SPAG16: variants seen among roughly 807,000 people sequenced by gnomAD.
SPAG16 encodes sperm-associated antigen 16 protein.
Under a neutral mutation model 80.4 loss-of-function variants are expected in SPAG16, and 86 were observed. The ratio of observed to expected loss-of-function variants is 1.07; its 90% CI spans 0.90 to 1.28. The LOEUF is 1.28. Ranked by LOEUF, SPAG16 falls within the 50% of genes most tolerant of loss-of-function variation. The pLI, the probability that SPAG16 is intolerant of heterozygous loss-of-function variation, is 0.00. For synonymous variants in SPAG16, 294 were observed against 265.9 expected (o/e 1.11, Z -1.03); for missense variants, 870 against 765.3 (o/e 1.14, Z -1.61).
chr2:214,276,310 G>T (rs187840135), intron 15 of SPAG16, among the ~76,000 whole-genome samples: 137 of 152,246 alleles, frequency 9.0e-4, no homozygotes, highest in African/African-American at 3.2e-3. Context: ...GGTTAATATT[G>T]TTATGTGTGA....
intron 12 of SPAG16, among the ~76,000 whole-genome samples, chr2:213,955,440 C>T (rs1025255267): frequency 3.9e-5 from 6 of 152,058 alleles, no homozygotes; most frequent in Admixed American, 2.6e-4. Flanking sequence ...TTGATGAAAA[C>T]GCTATTTCAT....
chr2:214,149,323 T>C, intron 15 of SPAG16, 57 bp downstream of exon 15: 2 of 1,366,244 alleles, frequency 1.5e-6, no homozygotes, highest in South Asian at 1.7e-5. Flanking sequence ...ATATTTGTTC[T>C]GAAACTATTT....
rs1042922789 is a variant in SPAG16 at position 213,702,232 on chromosome 2, C to G, written c.1071-160253C>G. On this transcript the variant is annotated intron_variant, in intron 10 of 15. Transcript: ENST00000331683. ...TCAGTAAAATGGACCAATCAGCTCT[C>G]TGTAAAATGGACCAATCAGCAGGAT... 6.6e-5 allele frequency among the ~76,000 whole-genome samples: 10 copies of G among 152,284 alleles called. No homozygotes were observed. In the East Asian group the frequency reaches 1.5e-3, roughly 24 times the overall value.
intron 15 of SPAG16, among the ~76,000 whole-genome samples, chr2:214,212,068 A>G (rs983705128): frequency 6.6e-6 from 1 of 152,154 alleles, no homozygotes; most frequent in African/African-American, 2.4e-5. Context: ...CAAATTATGT[A>G]TGTAATTTCT....
rs1553677672 is a variant in SPAG16 at position 213,949,179 on chromosome 2, T to TTTTTTTTTTTTTGTTTTTTTGTTTTG, written c.1400+19046_1400+19047insGTTTTTTTGTTTTGTTTTTTTTTTTT. Among the ~76,000 whole-genome samples, 5 of 36,244 alleles carry TTTTTTTTTTTTTGTTTTTTTGTTTTG rather than the reference T, an allele frequency of 1.4e-4. No individual in the cohort carries two copies. In the Admixed American group the frequency reaches 1.9e-3, roughly 14 times the overall value. 23.8% of individuals were successfully genotyped at this position (36,244 alleles called of 152,430 possible). On this transcript the variant is annotated intron_variant, in intron 12 of 15. Coordinates refer to ENST00000331683, the MANE Select transcript of SPAG16 (RefSeq NM_024532.5). ...TACTTAATTACAACAGTTTTTTTTT[T>TTTTTTTTTTTTTGTTTTTTTGTTTTG]TTTTTTTTTTTTTTGAGGTAGAGTC...
At chr2:213,750,279 CAA>C (rs993347361) in intron 10 of SPAG16, among the ~76,000 whole-genome samples, 43 of 152,190 alleles carry the variant, frequency 2.8e-4, no homozygotes, top group Middle Eastern at 6.8e-3. Flanking sequence ...TGCCTGCATT[CAA>C]AGAGACAATT....
chr2:213,470,110 T>C (rs1014000212), intron 9 of SPAG16, among the ~76,000 whole-genome samples: 6 of 152,188 alleles, frequency 3.9e-5, no homozygotes, highest in Non-Finnish European at 8.8e-5. Context: ...GTACCATATA[T>C]TGGATGCTGA....
intron 15 of SPAG16, among the ~76,000 whole-genome samples, chr2:214,407,016 T>C (rs2126156955): frequency 6.6e-6 from 1 of 152,256 alleles, no homozygotes; most frequent in East Asian, 1.9e-4. Context: ...TTTATTTTCT[T>C]TCCATTCTGT....
chr2:214,296,044 C>G (rs965617577), intron 15 of SPAG16, among the ~76,000 whole-genome samples: 2 of 152,134 alleles, frequency 1.3e-5, no homozygotes, highest in Non-Finnish European at 2.9e-5. Flanking sequence ...AACCCTCATG[C>G]TCCTCCCATA....
Position 213,335,901 on chromosome 2 carries a change from G to C in SPAG16, c.537-4262G>C, listed in dbSNP as rs568414575. On this transcript the variant is annotated intron_variant, in intron 5 of 15. Coordinates refer to ENST00000331683, the MANE Select transcript of SPAG16 (RefSeq NM_024532.5). ...GGGGAGAAAGAAACTTAGGGGGTGAGAGTAGCCAAGTTTACCAAATAGAAA... is the reference window on the plus strand; with the variant it reads ...GGGGAGAAAGAAACTTAGGGGGTGACAGTAGCCAAGTTTACCAAATAGAAA... Among the ~76,000 whole-genome samples the C allele has an allele frequency of 2.9e-4, 44 of 152,036 alleles. No homozygotes were observed. In the South Asian group the frequency reaches 7.5e-3, roughly 26 times the overall value.
In SPAG16 at chr2:213,718,571, G is replaced by GC. The variant is rs1477662230; in HGVS notation, c.1071-143910dup. On this transcript the variant is annotated intron_variant, in intron 10 of 15. Coordinates refer to ENST00000331683, the MANE Select transcript of SPAG16 (RefSeq NM_024532.5). The stretch of plus-strand genomic sequence containing the variant: ...TTCCGGGTGGGCGTGGGCTTGGTGG[G>GC]CCCCGCACTGGAAGCAGCCAGTCAG... Among the ~76,000 whole-genome samples, 4 of 152,340 alleles carry GC rather than the reference G, an allele frequency of 2.6e-5. No homozygotes were observed. In the East Asian group the frequency reaches 7.7e-4, roughly 29 times the overall value.
chr2:213,668,111 T>A (rs1383404249), intron 10 of SPAG16, among the ~76,000 whole-genome samples: 1 of 152,012 alleles, frequency 6.6e-6, no homozygotes, highest in East Asian at 1.9e-4. Context: ...CAGCTAATTT[T>A]TGTATTTTTA....
At chr2:213,412,781 G>A (rs1435251528) in intron 9 of SPAG16, among the ~76,000 whole-genome samples, 1 of 152,138 alleles carries the variant, frequency 6.6e-6, no homozygotes, top group African/African-American at 2.4e-5. Flanking sequence ...ATAAAATATA[G>A]AAGAGTAAGA....
intron 10 of SPAG16, among the ~76,000 whole-genome samples, chr2:213,570,935 TA>T (rs2059897036): frequency 3.0e-5 from 1 of 33,122 alleles, no homozygotes; most frequent in African/African-American, 1.9e-4. Flanking sequence ...ATTGGGTGCA[TA>T]AATATTTAGG....
At chr2:213,609,559 A>G (rs1271936998) in intron 10 of SPAG16, among the ~76,000 whole-genome samples, 2 of 152,182 alleles carry the variant, frequency 1.3e-5, no homozygotes, top group Non-Finnish European at 1.5e-5. Context: ...ACAGCAATCT[A>G]TTGAGTTCCA....
chr2:213,641,968 A>G (rs2062608577), intron 10 of SPAG16, among the ~76,000 whole-genome samples: 1 of 152,172 alleles, frequency 6.6e-6, no homozygotes, highest in South Asian at 2.1e-4. Flanking sequence ...ATGATAAGTC[A>G]CTCACTATCA....
chr2:213,880,701 C>T (rs903941672), intron 11 of SPAG16, among the ~76,000 whole-genome samples: 2 of 152,142 alleles, frequency 1.3e-5, no homozygotes, highest in African/African-American at 4.8e-5. Flanking sequence ...TATAACTAGC[C>T]AGCTATTGCA....
In SPAG16 at chr2:213,981,614, G is replaced by A. The variant is rs116606934; in HGVS notation, c.1401-32337G>A. 6.0e-3 allele frequency among the ~76,000 whole-genome samples: 919 copies of A among 152,120 alleles called. 11 individuals carry two copies. Among genetic ancestry groups the A allele is most frequent in the African/African-American group, 0.02 (832 of 41,532 alleles). ...AGCAATGGAAGAAAATGAAAATAGCGTACCTATAGGTGGACTTGAGTTTGT... is the reference window on the plus strand; with the variant it reads ...AGCAATGGAAGAAAATGAAAATAGCATACCTATAGGTGGACTTGAGTTTGT... On this transcript the variant is annotated intron_variant, in intron 12 of 15. Transcript: ENST00000331683.
chr2:214,327,775 A>G (rs983142081), intron 15 of SPAG16, among the ~76,000 whole-genome samples: 1 of 152,198 alleles, frequency 6.6e-6, no homozygotes, highest in African/African-American at 2.4e-5. Context: ...TTTGAGAATA[A>G]GAAGAAAAAC....
Sources: gnomAD v4.1 joint callset for allele counts (sites outside exome capture counted in the v4.1 genomes callset) on GRCh38, gnomAD v4.1.1 for gene constraint, MANE v1.5 for transcripts, NCBI Gene and HGNC (gene_info 2026-07-23, HGNC 2026-07-21) for gene names.